The following PSMB1 variants were observed in gnomAD, a reference collection of about 807,000 sequenced individuals.
PSMB1 encodes the protein proteasome 20S subunit beta 1.
In PSMB1, 7 loss-of-function variants were observed where a neutral mutation model predicts 25.4. The ratio of observed to expected loss-of-function variants is 0.28; its 90% confidence interval spans 0.16 to 0.52. PSMB1 has a LOEUF of 0.52. Among genes scored for constraint, PSMB1 ranks in the 20% least tolerant of loss-of-function variants. The pLI is 0.97. For synonymous variants in PSMB1, 119 were observed against 115.0 expected, an observed-to-expected ratio of 1.03 and a Z score of -0.22; for missense variants, 284 against 302.2, an observed-to-expected ratio of 0.94 and a Z score of 0.45.
rs527831988 is a variant in PSMB1 at position 170,553,178 on chromosome 6, G to A, written c.65C>T (p.Ala22Val). Residue 22 changes from alanine (A) to valine (V), a missense_variant, in exon 1 of 6, where the codon GCC becomes GTC. Ala to Val is a moderately conservative substitution (Grantham distance 64). Coordinates refer to ENST00000262193, the MANE Select transcript of PSMB1 (RefSeq NM_002793.4). ...GRDLGMEPHR[A>V]AGPLQLRFSP... ...AAATCGCAGCTGCAAAGGGCCCGCGGCTCTGTGCGGTTCCATCCCCAAGTC... is the reference window on the plus strand; with the variant it reads ...AAATCGCAGCTGCAAAGGGCCCGCGACTCTGTGCGGTTCCATCCCCAAGTC... 6.8e-6 allele frequency: 11 copies of A among 1,613,894 alleles called. No homozygotes were observed. The highest frequency in any genetic ancestry group is 6.7e-5 in the Admixed American group (4 of 59,996).
In PSMB1 at chr6:170,553,235, G is replaced by T. The variant is rs372370346; in HGVS notation, c.8C>A (p.Ser3Tyr). 1.6e-5 allele frequency: 25 copies of T among 1,610,920 alleles called. No homozygotes were observed. The highest frequency in any genetic ancestry group is 2.0e-5 in the Non-Finnish European group (23 of 1,178,354). ...AGGAGCCGAATACATGGCTGTAGAG[G>T]ACAACATCGCACGGCTGCGCCTGCG... ML[S>Y]STAMYSAPGR... Residue 3 changes from serine (S) to tyrosine (Y), a missense_variant, in exon 1 of 6, where the codon TCC becomes TAC. Physicochemically the swap from Ser to Tyr is moderately radical, Grantham distance 144. Coordinates refer to ENST00000262193, the MANE Select transcript of PSMB1 (RefSeq NM_002793.4).
At chr6:170,550,775 A>T (rs970273281) in intron 1 of PSMB1, among the ~76,000 whole-genome samples, 25 of 152,180 alleles carry the variant, frequency 1.6e-4, no homozygotes, top group African/African-American at 6.0e-4. Flanking sequence ...AGGAACTGGG[A>T]AAACCAATTA....
chr6:170,541,501 C>G (rs1335548865), intron 4 of PSMB1, among the ~76,000 whole-genome samples: 1 of 151,864 alleles, frequency 6.6e-6, no homozygotes, highest in Non-Finnish European at 1.5e-5. Context: ...TCTACCAGAA[C>G]AAAACACCAA....
Position 170,543,584 on chromosome 6 carries a change from G to T in PSMB1, c.433+17C>A. 1 of 1,594,476 alleles carries T rather than the reference G, an allele frequency of 6.3e-7. No individual in the cohort carries two copies. ...AACTCCTCCCCCCCACCATTTTCCAGAAAGAAGGAATTCTACCTTCTTCAT... is the reference window on the plus strand; with the variant it reads ...AACTCCTCCCCCCCACCATTTTCCATAAAGAAGGAATTCTACCTTCTTCAT... On this transcript the variant is annotated intron_variant, in intron 4 of 5. Coordinates refer to ENST00000262193, the MANE Select transcript of PSMB1 (RefSeq NM_002793.4).
At chr6:170,543,879 T>G in intron 3 of PSMB1, 149 bp from the exon 4 acceptor site, 1 of 863,326 alleles carries the variant, frequency 1.2e-6, no homozygotes, top group Non-Finnish European at 1.6e-6. Context: ...AACACAGTAT[T>G]ACTAACATAA....
chr6:170,539,479 T>TA (rs1225081749), intron 4 of PSMB1, among the ~76,000 whole-genome samples: 1 of 152,174 alleles, frequency 6.6e-6, no homozygotes, highest in Non-Finnish European at 1.5e-5. Flanking sequence ...GGGCAACAGT[T>TA]AATATATGAA....
intron 4 of PSMB1, among the ~76,000 whole-genome samples, chr6:170,542,233 G>C (rs1425376103): frequency 6.6e-6 from 1 of 152,162 alleles, no homozygotes; most frequent in Admixed American, 6.6e-5. Context: ...CTGTGTATGG[G>C]GGCGGATGTT....
intron 5 of PSMB1, 147 bp downstream of exon 5, chr6:170,537,087 C>T: frequency 1.6e-6 from 1 of 641,316 alleles, no homozygotes; most frequent in Non-Finnish European, 2.8e-6. Context: ...TAGGACACGT[C>T]TGCCAAACTC....
chr6:170,543,056 C>A (rs1356048699), intron 4 of PSMB1, among the ~76,000 whole-genome samples: 2 of 152,014 alleles, frequency 1.3e-5, no homozygotes, highest in Non-Finnish European at 2.9e-5. Flanking sequence ...ACATTGGTGC[C>A]CATGTGGCGT....
intron 5 of PSMB1, among the ~76,000 whole-genome samples, chr6:170,536,666 TATC>T (rs1440179753): frequency 6.6e-6 from 1 of 152,222 alleles, no homozygotes; most frequent in African/African-American, 2.4e-5. Flanking sequence ...GTAGTTTATT[TATC>T]ATAAGAATAC....
At chr6:170,551,136 T>C (rs1209697743) in intron 1 of PSMB1, among the ~76,000 whole-genome samples, 1 of 152,120 alleles carries the variant, frequency 6.6e-6, no homozygotes, top group African/African-American at 2.4e-5. Context: ...AGTGAGACTC[T>C]GTCTCAAAAA....
chr6:170,546,160 G>A lies in PSMB1; in HGVS notation c.246C>T (p.Cys82=), dbSNP rs1294553372. The change falls in exon 3 of 6, where the codon TGC becomes TGT. Residue 82 remains cysteine (C), a synonymous_variant. Coordinates refer to ENST00000262193, the MANE Select transcript of PSMB1 (RefSeq NM_002793.4). ...TAAGACAGTCTCCATGAAAACCGCT[G>A]CATCCAATGACTGTTTTGTCTGTTC... ...YKLTDKTVIG[C]SGFHGDCLTL... is the part of the protein sequence containing the mutation. 33 of 1,613,784 alleles carry A rather than the reference G, an allele frequency of 2.0e-5. No homozygotes were observed. Among genetic ancestry groups the A allele is most frequent in the Non-Finnish European group, 2.4e-5 (28 of 1,179,898 alleles).
intron 4 of PSMB1, 36 bp downstream of exon 4, chr6:170,543,565 T>TC (rs60508978): frequency 3.7e-5 from 58 of 1,561,428 alleles, no homozygotes; most frequent in East Asian, 4.5e-5. Flanking sequence ...TAATAACTCC[T>TC]CCCCCCCACC....
At chr6:170,539,247 A>C (rs995510017) in intron 4 of PSMB1, among the ~76,000 whole-genome samples, 2 of 152,228 alleles carry the variant, frequency 1.3e-5, no homozygotes, top group African/African-American at 4.8e-5. Flanking sequence ...TAAGCTTTGG[A>C]TGGGAGAAGT....
intron 3 of PSMB1, among the ~76,000 whole-genome samples, chr6:170,545,666 G>A (rs4579340): frequency 0.44 from 66,678 of 151,936 alleles, 15,096 homozygotes; most frequent in East Asian, 0.77. Flanking sequence ...TCATTCTTTC[G>A]TATTTCTACT....
intron 1 of PSMB1, among the ~76,000 whole-genome samples, chr6:170,551,622 C>A (rs778012226): frequency 6.6e-6 from 1 of 152,116 alleles, no homozygotes; most frequent in East Asian, 1.9e-4. Context: ...AATAGCCTTA[C>A]GAAACGGGTC....
At chr6:170,537,176 C>T in intron 5 of PSMB1, 58 bp downstream of exon 5, 1 of 1,371,896 alleles carries the variant, frequency 7.3e-7, no homozygotes, top group Non-Finnish European at 1.0e-6. Context: ...GAAGGCACTT[C>T]AACTGAACAC....
At chr6:170,552,736 G>A (rs926000423) in intron 1 of PSMB1, among the ~76,000 whole-genome samples, 5 of 152,192 alleles carry the variant, frequency 3.3e-5, no homozygotes, top group African/African-American at 9.7e-5. Context: ...TACCCTCGCC[G>A]GCTGGCATAA....
intron 2 of PSMB1, among the ~76,000 whole-genome samples, chr6:170,547,756 A>G (rs1204546194): frequency 1.3e-5 from 2 of 152,150 alleles, no homozygotes; most frequent in Non-Finnish European, 2.9e-5. Context: ...ACAGTCTGAA[A>G]CAGGTTTGGA....
Sources: gnomAD v4.1 joint callset for allele counts (sites outside exome capture counted in the v4.1 genomes callset) on GRCh38, gnomAD v4.1.1 for gene constraint, MANE v1.5 for transcripts, NCBI Gene and HGNC (gene_info 2026-07-23, HGNC 2026-07-21) for gene names.